The following SAXO1 variants were observed in gnomAD, a reference collection of about 807,000 sequenced individuals.
The protein encoded by SAXO1 is 4930500O09Rik.
SAXO1 carries 21 observed loss-of-function variants against 17.5 expected under a neutral mutation model. The observed-to-expected ratio is 1.20, with a 90% confidence interval of 0.85 to 1.72. The LOEUF (loss-of-function observed/expected upper bound fraction) is 1.72, where lower values mean the gene tolerates loss of function less well. Among genes scored for constraint, SAXO1 ranks in the 40% most tolerant of loss-of-function variants. SAXO1 has a pLI of 0.00. For missense variants in SAXO1, 843 were observed against 596.0 expected (o/e 1.41, Z -4.32); for synonymous variants, 274 against 216.5 (o/e 1.27, Z -2.33).
intron 1 of SAXO1, among the ~76,000 whole-genome samples, chr9:18,979,537 G>C (rs1054951578): frequency 1.3e-5 from 2 of 152,188 alleles, no homozygotes; most frequent in African/African-American, 4.8e-5. Context: ...AGAGCCTTTG[G>C]CCTGGGGATA....
At chr9:18,993,936 T>C (rs1414370538) in intron 1 of SAXO1, among the ~76,000 whole-genome samples, 1 of 152,152 alleles carries the variant, frequency 6.6e-6, no homozygotes, top group Non-Finnish European at 1.5e-5. Flanking sequence ...AGCACATAAC[T>C]CAGGTACCTG....
At chr9:18,962,898 G>C (rs1381158306) in intron 1 of SAXO1, among the ~76,000 whole-genome samples, 2 of 152,136 alleles carry the variant, frequency 1.3e-5, no homozygotes, top group African/African-American at 4.8e-5. Flanking sequence ...AATGGTATTA[G>C]CTAGCTTTTT....
At chr9:18,952,993 G>A (rs978347808) in intron 1 of SAXO1, among the ~76,000 whole-genome samples, 3 of 152,158 alleles carry the variant, frequency 2.0e-5, no homozygotes, top group East Asian at 1.9e-4. Flanking sequence ...CGCCCACAGC[G>A]GATGCATGTT....
At chr9:18,961,390 C>A (rs183010169) in intron 1 of SAXO1, among the ~76,000 whole-genome samples, 42 of 152,252 alleles carry the variant, frequency 2.8e-4, no homozygotes, top group Admixed American at 6.5e-4. Flanking sequence ...GCAGAACGTG[C>A]AGGTTTGTTA....
intron 1 of SAXO1, chr9:19,028,020 G>A (rs1357846248): frequency 1.2e-6 from 2 of 1,606,556 alleles, no homozygotes; most frequent in African/African-American, 2.7e-5. Context: ...TGTCTGTGGA[G>A]GCGGGTATGA....
At chr9:18,978,978 A>C (rs1488187443) in intron 1 of SAXO1, among the ~76,000 whole-genome samples, 3 of 152,224 alleles carry the variant, frequency 2.0e-5, no homozygotes, top group Non-Finnish European at 4.4e-5. Context: ...GCAGCTGCAA[A>C]GGAATATTTC....
intron 1 of SAXO1, among the ~76,000 whole-genome samples, chr9:18,974,961 A>C (rs1429241116): frequency 6.6e-6 from 1 of 152,208 alleles, no homozygotes; most frequent in Non-Finnish European, 1.5e-5. Context: ...GTGACTTTAC[A>C]GTGGAGAAAT....
chr9:19,046,832 C>T (rs138412989), intron 1 of SAXO1, among the ~76,000 whole-genome samples: 1,607 of 152,274 alleles, frequency 0.011, 25 homozygotes, highest in African/African-American at 0.037. Context: ...CACCACTGCA[C>T]TCCAGCCTGG....
At chr9:18,990,898 C>G (rs1369932168) in intron 1 of SAXO1, among the ~76,000 whole-genome samples, 1 of 152,108 alleles carries the variant, frequency 6.6e-6, no homozygotes, top group Non-Finnish European at 1.5e-5. Context: ...GCTCAGGGCT[C>G]CCATTGATTC....
chr9:18,991,579 A>G (rs1157228733), intron 1 of SAXO1, among the ~76,000 whole-genome samples: 1 of 152,100 alleles, frequency 6.6e-6, no homozygotes, highest in Non-Finnish European at 1.5e-5. Context: ...AGTGGGGGAA[A>G]GGGGGAGGGA....
chr9:18,977,170 C>T (rs541391493), intron 1 of SAXO1, among the ~76,000 whole-genome samples: 36 of 152,298 alleles, frequency 2.4e-4, no homozygotes, highest in Non-Finnish European at 4.1e-4. Flanking sequence ...AAATTTGTTG[C>T]CTGTAACAGA....
In SAXO1 at chr9:18,932,400, GT is replaced by G. The variant is rs1588396507; in HGVS notation, c.422-3346del. Among the ~76,000 whole-genome samples, 5 of 152,294 alleles carry G rather than the reference GT, an allele frequency of 3.3e-5. No individual in the cohort carries two copies. In the East Asian group the frequency reaches 9.6e-4, roughly 29 times the overall value. The stretch of plus-strand genomic sequence containing the variant: ...TGCATTGGTCATTATACTTGTCTTT[GT>G]GTCAGTATAACTGTCTCAATTGCTG... On this transcript the variant is annotated intron_variant, in intron 3 of 3. Transcript: ENST00000380534.
intron 3 of SAXO1, among the ~76,000 whole-genome samples, chr9:18,937,520 G>A (rs1252345249): frequency 6.6e-6 from 1 of 152,160 alleles, no homozygotes; most frequent in African/African-American, 2.4e-5. Flanking sequence ...TAGAATAAAA[G>A]TATTTGCTAT....
At chr9:19,034,154 C>T, upstream of SAXO1, among the ~76,000 whole-genome samples, 1 of 152,222 alleles carries the variant, frequency 6.6e-6, no homozygotes, top group Non-Finnish European at 1.5e-5. Context: ...AAAGTATTGA[C>T]AATCTTTATG....
chr9:18,993,515 T>C (rs1833893995), intron 1 of SAXO1, among the ~76,000 whole-genome samples: 2 of 152,188 alleles, frequency 1.3e-5, no homozygotes, highest in South Asian at 2.1e-4. Context: ...GGTGCAGACA[T>C]GTCCCATGTA....
chr9:18,990,204 C>T (rs1284571297), intron 1 of SAXO1, among the ~76,000 whole-genome samples: 1 of 151,680 alleles, frequency 6.6e-6, no homozygotes, highest in Non-Finnish European at 1.5e-5. Context: ...ACCAAATAAT[C>T]CACACCCTAC....
At chr9:19,016,320 C>T (rs188997442) in intron 1 of SAXO1, among the ~76,000 whole-genome samples, 7 of 152,250 alleles carry the variant, frequency 4.6e-5, no homozygotes, top group East Asian at 1.9e-4. Flanking sequence ...CCTGTAGTCC[C>T]GGCTACTCAG....
At chr9:18,969,997 T>C (rs1482931616) in intron 1 of SAXO1, among the ~76,000 whole-genome samples, 1 of 152,222 alleles carries the variant, frequency 6.6e-6, no homozygotes, top group Non-Finnish European at 1.5e-5. Flanking sequence ...TTCAAGTTGA[T>C]GTCTCAGACT....
chr9:18,992,835 C>A (rs1833863556), intron 1 of SAXO1, among the ~76,000 whole-genome samples: 1 of 151,942 alleles, frequency 6.6e-6, no homozygotes, highest in Non-Finnish European at 1.5e-5. Context: ...ATGGCATGAT[C>A]TCAGCTCACC....
Sources: gnomAD v4.1 joint callset for allele counts (sites outside exome capture counted in the v4.1 genomes callset) on GRCh38, gnomAD v4.1.1 for gene constraint, MANE v1.5 for transcripts, NCBI Gene and HGNC (gene_info 2026-07-23, HGNC 2026-07-21) for gene names.